WDR49: variants seen among roughly 807,000 people sequenced by gnomAD.
WDR49 encodes cilia- and flagella-associated protein 337.
Under a neutral mutation model 119.5 loss-of-function variants are expected in WDR49, and 107 were observed. The ratio of observed to expected loss-of-function variants is 0.90; its 90% CI spans 0.77 to 1.05. The LOEUF is 1.05. Among genes scored for constraint, WDR49 ranks in the 50% least tolerant of loss-of-function variants. The pLI is 0.00. For missense variants in WDR49, 1,240 were observed against 1,220.5 expected, an observed-to-expected ratio of 1.02 and a Z score of -0.24; for synonymous variants, 425 against 418.8, an observed-to-expected ratio of 1.01 and a Z score of -0.18.
At chr3:167,523,052 T>G (rs1453459394) in intron 15 of WDR49, among the ~76,000 whole-genome samples, 2 of 152,146 alleles carry the variant, frequency 1.3e-5, no homozygotes, top group African/African-American at 4.8e-5. Context: ...TTTTCTCATC[T>G]TATATCAATA....
chr3:167,564,458 T>C (rs1422450441), intron 8 of WDR49, among the ~76,000 whole-genome samples: 1 of 152,250 alleles, frequency 6.6e-6, no homozygotes, highest in African/African-American at 2.4e-5. Context: ...AATGGAACTA[T>C]TTTTGGCAAG....
At chr3:167,566,175 T>A (rs1176097306) in intron 8 of WDR49, among the ~76,000 whole-genome samples, 1 of 152,204 alleles carries the variant, frequency 6.6e-6, no homozygotes. Context: ...TGGAGAGCAT[T>A]TGGCAATATT....
At chr3:167,640,223 C>A (rs1233889378) in intron 2 of WDR49, among the ~76,000 whole-genome samples, 1 of 151,862 alleles carries the variant, frequency 6.6e-6, no homozygotes, top group Non-Finnish European at 1.5e-5. Context: ...GACAGCAGAA[C>A]TTCTGTGTTC....
chr3:167,560,008 G>A (rs1171585671), intron 9 of WDR49, 56 bp downstream of exon 9: 7 of 1,574,400 alleles, frequency 4.4e-6, no homozygotes, highest in Non-Finnish European at 6.0e-6. Flanking sequence ...CATGTCTTCT[G>A]GCATAGTATT....
chr3:167,498,345 A>G (rs1477011597), intron 18 of WDR49, among the ~76,000 whole-genome samples: 2 of 152,192 alleles, frequency 1.3e-5, no homozygotes, highest in African/African-American at 4.8e-5. Context: ...ATGTACACAT[A>G]TGTATGAAAA....
chr3:167,545,369 CATT>C (rs1251507100), intron 10 of WDR49, among the ~76,000 whole-genome samples: 1 of 151,292 alleles, frequency 6.6e-6, no homozygotes, highest in Admixed American at 6.6e-5. Context: ...AAAAAGAAGT[CATT>C]ATATGAAAAA....
At chr3:167,532,083 C>A (rs1752870472) in intron 12 of WDR49, among the ~76,000 whole-genome samples, 1 of 152,056 alleles carries the variant, frequency 6.6e-6, no homozygotes, top group African/African-American at 2.4e-5. Context: ...GTGTTTGCAA[C>A]CAAGTATCCC....
intron 2 of WDR49, among the ~76,000 whole-genome samples, chr3:167,642,505 T>C (rs1717928466): frequency 6.6e-6 from 1 of 152,022 alleles, no homozygotes; most frequent in African/African-American, 2.4e-5. Flanking sequence ...CTGTGGTATT[T>C]GAATTGAATT....
chr3:167,515,417 G>A (rs1172964521), intron 16 of WDR49, among the ~76,000 whole-genome samples: 1 of 152,114 alleles, frequency 6.6e-6, no homozygotes, highest in Admixed American at 6.6e-5. Context: ...TACAGAAAAT[G>A]CCTGCTATAC....
At chr3:167,604,676 A>T (rs574040315) in intron 5 of WDR49, among the ~76,000 whole-genome samples, 1 of 152,278 alleles carries the variant, frequency 6.6e-6, no homozygotes, top group South Asian at 2.1e-4. Flanking sequence ...CTACATTCTG[A>T]CTTTTCCCCC....
At chr3:167,498,358 C>T (rs1190719703) in intron 18 of WDR49, among the ~76,000 whole-genome samples, 1 of 151,964 alleles carries the variant, frequency 6.6e-6, no homozygotes, top group East Asian at 1.9e-4. Context: ...TATGAAAACC[C>T]CACAAAATAT....
chr3:167,602,157 T>C lies in WDR49; in HGVS notation c.1245A>G (p.Arg415=). Residue 415 remains arginine (R), a synonymous_variant, in exon 7 of 19, where the codon AGA becomes AGG. Transcript: ENST00000682715. ...SVIAVQFFVE[R]KQLFSFSKDK... Reference sequence around the variant, plus strand: ...CCTTGGAGAAGCTGAAAAGTTGTTTTCTTTCCACAAAGAATTGGACGGCTA... The same window carrying C: ...CCTTGGAGAAGCTGAAAAGTTGTTTCCTTTCCACAAAGAATTGGACGGCTA... The C allele has an allele frequency of 6.3e-7, 1 of 1,599,674 alleles. No homozygotes were observed. The highest frequency in any genetic ancestry group is 8.5e-7 in the Non-Finnish European group (1 of 1,169,824).
At chr3:167,501,120 G>A (rs1751545054) in intron 17 of WDR49, among the ~76,000 whole-genome samples, 1 of 152,184 alleles carries the variant, frequency 6.6e-6, no homozygotes, top group Non-Finnish European at 1.5e-5. Context: ...AGGAAAGCAG[G>A]GATGAGGGTC....
Position 167,559,110 on chromosome 3 carries a change from T to C in WDR49, c.1674+954A>G, listed in dbSNP as rs554519816. 3.9e-5 allele frequency among the ~76,000 whole-genome samples: 6 copies of C among 152,236 alleles called. No homozygotes were observed. In the East Asian group the frequency reaches 5.8e-4, roughly 15 times the overall value. ...CAGAGATTCCCTTTTCAACCCACAA[T>C]AGCACCTTCCTCACACTAATGACTG... On this transcript the variant is annotated intron_variant, in intron 9 of 18. Coordinates refer to ENST00000682715, the MANE Select transcript of WDR49 (RefSeq NM_001366157.1).
chr3:167,608,140 G>A (rs1188253419), intron 5 of WDR49, among the ~76,000 whole-genome samples: 1 of 152,080 alleles, frequency 6.6e-6, no homozygotes, highest in Non-Finnish European at 1.5e-5. Flanking sequence ...AAAATCTGAT[G>A]GCAATGATTC....
Position 167,568,461 on chromosome 3 carries a change from G to A in WDR49, c.1509+7457C>T, listed in dbSNP as rs1380447773. The stretch of plus-strand genomic sequence containing the variant: ...CTGTATTTTCAATACGAGGTAAAAA[G>A]GTATTTCACAAAAAAAGTATATGGT... On this transcript the variant is annotated intron_variant, in intron 8 of 18. Transcript: ENST00000682715. Among the ~76,000 whole-genome samples the A allele has an allele frequency of 5.3e-5, 8 of 152,150 alleles. No individual in the cohort carries two copies. In the South Asian group the frequency reaches 6.2e-4, roughly 12 times the overall value.
At chr3:167,631,949 GTTAA>G (rs1417778848) in intron 2 of WDR49, among the ~76,000 whole-genome samples, 3 of 152,160 alleles carry the variant, frequency 2.0e-5, no homozygotes, top group African/African-American at 4.8e-5. Context: ...CCAGCCAGGA[GTTAA>G]TTATTCTTAT....
chr3:167,530,978 G>A, intron 13 of WDR49, 137 bp downstream of exon 13: 2 of 845,182 alleles, frequency 2.4e-6, no homozygotes, highest in South Asian at 2.0e-5. Context: ...CCTTTGCCAT[G>A]GTCTGTGACC....
intron 8 of WDR49, among the ~76,000 whole-genome samples, chr3:167,571,214 C>T (rs1713918807): frequency 1.3e-5 from 2 of 151,964 alleles, no homozygotes; most frequent in Admixed American, 1.3e-4. Flanking sequence ...TGAAGAGGGT[C>T]TAGTATTCAA....
Sources: gnomAD v4.1 joint callset for allele counts (sites outside exome capture counted in the v4.1 genomes callset) on GRCh38, gnomAD v4.1.1 for gene constraint, MANE v1.5 for transcripts, NCBI Gene and HGNC (gene_info 2026-07-23, HGNC 2026-07-21) for gene names.